Variants in EGFLAM observed in about 807,000 individuals in gnomAD.
EGFLAM encodes pikachurin.
EGFLAM carries 79 observed loss-of-function variants against 113.1 expected under a neutral mutation model. The ratio of observed to expected loss-of-function variants is 0.70; its 90% CI spans 0.58 to 0.84. The LOEUF (loss-of-function observed/expected upper bound fraction) is 0.84, where lower values mean the gene tolerates loss of function less well. Ranked by LOEUF, EGFLAM falls within the 40% of genes least tolerant of loss-of-function variation. The pLI is 0.00. For synonymous variants in EGFLAM, 504 were observed against 487.6 expected (o/e 1.03, Z -0.44); for missense variants, 1,265 against 1,291.6 (o/e 0.98, Z 0.32).
intron 15 of EGFLAM, among the ~76,000 whole-genome samples, chr5:38,432,458 G>A (rs1311764934): frequency 7.4e-6 from 1 of 135,900 alleles, no homozygotes; most frequent in Non-Finnish European, 1.6e-5. Context: ...CCTAGAAAAT[G>A]CTCTATATAT....
intron 12 of EGFLAM, among the ~76,000 whole-genome samples, chr5:38,419,032 C>G (rs1741746010): frequency 6.6e-6 from 1 of 152,130 alleles, no homozygotes; most frequent in Non-Finnish European, 1.5e-5. Context: ...CAATTTGGTT[C>G]CTGGAGAGGC....
At position 38,464,035 on chromosome 5, in the gene EGFLAM, C is replaced by T. The variant is rs369056930; in HGVS notation, c.*49C>T. The stretch of plus-strand genomic sequence containing the variant: ...ACAGAGCCTTCTATTCTGAGAATCC[C>T]AGGGGCCCTCAGACCCTGCCTGATG... On this transcript the variant is annotated 3_prime_UTR_variant, in exon 22 of 22. Coordinates refer to ENST00000322350, the MANE Select transcript of EGFLAM (RefSeq NM_152403.4). 8 of 1,610,828 alleles carry T rather than the reference C, an allele frequency of 5.0e-6. No homozygotes were observed. Among genetic ancestry groups the T allele is most frequent in the Non-Finnish European group, 6.8e-6 (8 of 1,178,100 alleles).
chr5:38,445,787 T>A, intron 17 of EGFLAM: 2 of 1,421,424 alleles, frequency 1.4e-6, no homozygotes, highest in South Asian at 1.1e-5. Flanking sequence ...CCGGGGTGAG[T>A]GGTGTGGGAG....
intron 6 of EGFLAM, among the ~76,000 whole-genome samples, chr5:38,383,789 G>C (rs1025153756): frequency 6.6e-6 from 1 of 151,918 alleles, no homozygotes; most frequent in African/African-American, 2.4e-5. Context: ...ATCAGGGAAG[G>C]CTTCTCTCAA....
At chr5:38,336,268 A>G (rs376040843) in intron 1 of EGFLAM, among the ~76,000 whole-genome samples, 24 of 152,328 alleles carry the variant, frequency 1.6e-4, no homozygotes, top group African/African-American at 4.8e-4. Flanking sequence ...ATATAACAAA[A>G]CAATTTAAAA....
intron 5 of EGFLAM, among the ~76,000 whole-genome samples, chr5:38,367,298 G>T (rs559580044): frequency 2.0e-5 from 3 of 149,990 alleles, no homozygotes; most frequent in Non-Finnish European, 4.4e-5. Context: ...TTTTTGCAGA[G>T]ACAAGGTCTT....
Position 38,260,761 on chromosome 5 carries a change from A to C in EGFLAM, c.97+1910A>C, listed in dbSNP as rs570723752. 3.3e-5 allele frequency among the ~76,000 whole-genome samples: 5 copies of C among 152,340 alleles called. No homozygotes were observed. In the South Asian group the frequency reaches 8.3e-4, roughly 25 times the overall value. ...CTCAGATTAAAATGACAGCTACTTCATAACTTCAGGGGAAATTTCCCTCCT... is the reference window on the plus strand; with the variant it reads ...CTCAGATTAAAATGACAGCTACTTCCTAACTTCAGGGGAAATTTCCCTCCT... On this transcript the variant is annotated intron_variant, in intron 1 of 21. Coordinates refer to ENST00000322350, the MANE Select transcript of EGFLAM (RefSeq NM_152403.4).
rs913835132 is a variant in EGFLAM, at chr5:38,464,431, T to C, written c.*445T>C. On this transcript the variant is annotated 3_prime_UTR_variant, in exon 22 of 22. Coordinates refer to ENST00000322350, the MANE Select transcript of EGFLAM (RefSeq NM_152403.4). ...TGACAGCAGAATGACTGTGTGACCTTGAACTTCACATTTCCCACATTGGCC... is the reference window on the plus strand; with the variant it reads ...TGACAGCAGAATGACTGTGTGACCTCGAACTTCACATTTCCCACATTGGCC... 5 of 168,514 alleles carry C rather than the reference T, an allele frequency of 3.0e-5. No individual in the cohort carries two copies. The highest frequency in any genetic ancestry group is 1.2e-4 in the African/African-American group (5 of 41,976). 10.4% of individuals were successfully genotyped at this position (168,514 alleles called of 1,614,324 possible).
chr5:38,384,639 TGAAG>T (rs1296682117), intron 6 of EGFLAM, among the ~76,000 whole-genome samples: 1 of 152,178 alleles, frequency 6.6e-6, no homozygotes, highest in Non-Finnish European at 1.5e-5. Context: ...GCGGTTAGAC[TGAAG>T]GCAGTCTGTG....
rs773152585 is a variant in EGFLAM at position 38,435,182 on chromosome 5, G to A, written c.2212G>A (p.Gly738Arg). 1.5e-5 allele frequency: 24 copies of A among 1,613,974 alleles called. No individual in the cohort carries two copies. Among genetic ancestry groups the A allele is most frequent in the Non-Finnish European group, 1.9e-5 (23 of 1,180,012 alleles). The change falls in exon 16 of 22, where the codon GGA (glycine) becomes AGA (arginine). Residue 738 changes from glycine to arginine, a missense_variant. By Grantham distance (125) the Gly-to-Arg change is moderately radical. Transcript: ENST00000322350. The part of the protein sequence containing the change: ...IKCNTDIFIG[G>R]VPNYDDVKKN... The stretch of plus-strand genomic sequence containing the variant: ...GTGCAACACAGACATTTTCATTGGC[G>A]GAGTCCCCAATTATGATGATGTGAA...
At chr5:38,296,123 G>C (rs978682908) in intron 1 of EGFLAM, among the ~76,000 whole-genome samples, 9 of 152,014 alleles carry the variant, frequency 5.9e-5, no homozygotes, top group African/African-American at 2.2e-4. Context: ...ATGATGTACA[G>C]GAAAAAGAAA....
intron 12 of EGFLAM, among the ~76,000 whole-genome samples, chr5:38,422,244 C>A (rs142404874): frequency 1.3e-5 from 2 of 152,166 alleles, no homozygotes; most frequent in Non-Finnish European, 2.9e-5. Context: ...ATGGTAGGCG[C>A]TGGTGAAAGT....
At chr5:38,305,078 G>A (rs867882291) in intron 1 of EGFLAM, among the ~76,000 whole-genome samples, 7 of 151,844 alleles carry the variant, frequency 4.6e-5, no homozygotes, top group South Asian at 2.1e-4. Context: ...CTCAATTCAG[G>A]ACATAAACTG....
At chr5:38,339,614 T>G (rs1371546782) in intron 3 of EGFLAM, among the ~76,000 whole-genome samples, 1 of 152,220 alleles carries the variant, frequency 6.6e-6, no homozygotes, top group Non-Finnish European at 1.5e-5. Flanking sequence ...TGCCACTTAA[T>G]CTTCACAACT....
chr5:38,361,408 C>A (rs1345277379), intron 5 of EGFLAM, among the ~76,000 whole-genome samples: 1 of 152,182 alleles, frequency 6.6e-6, no homozygotes, highest in African/African-American at 2.4e-5. Context: ...AACATGAATG[C>A]AACGTCTACC....
intron 12 of EGFLAM, among the ~76,000 whole-genome samples, chr5:38,418,844 C>G (rs1281511027): frequency 1.3e-5 from 2 of 152,150 alleles, no homozygotes; most frequent in African/African-American, 4.8e-5. Flanking sequence ...ATTTTTAAAG[C>G]AATAAGGACA....
chr5:38,371,541 G>C (rs144387796), intron 6 of EGFLAM, among the ~76,000 whole-genome samples: 3 of 152,158 alleles, frequency 2.0e-5, no homozygotes, highest in Non-Finnish European at 4.4e-5. Context: ...AACCTTGAAT[G>C]TCGGGTCGCC....
At chr5:38,277,634 T>C (rs932931491) in intron 1 of EGFLAM, among the ~76,000 whole-genome samples, 2 of 152,172 alleles carry the variant, frequency 1.3e-5, no homozygotes, top group Non-Finnish European at 2.9e-5. Context: ...TCTTTGCAGA[T>C]GACATGATCT....
chr5:38,407,916 T>G lies in EGFLAM; in HGVS notation c.1248+11T>G. ...ACTCTTGAATTTAGGGTAAGAGGGA[T>G]GTGTTGTTTGATGAGTGCTTTTTGG... On this transcript the variant is annotated intron_variant, in intron 9 of 21. Transcript: ENST00000322350. The G allele has an allele frequency of 2.5e-6, 4 of 1,588,174 alleles. No homozygotes were observed. The highest frequency in any genetic ancestry group is 3.5e-6 in the Non-Finnish European group (4 of 1,156,664).
Sources: gnomAD v4.1 joint callset for allele counts (sites outside exome capture counted in the v4.1 genomes callset) on GRCh38, gnomAD v4.1.1 for gene constraint, MANE v1.5 for transcripts, NCBI Gene and HGNC (gene_info 2026-07-23, HGNC 2026-07-21) for gene names.